Variants in CDH18 observed in about 807,000 individuals in gnomAD.
CDH18 encodes the protein cadherin 18.
Under a neutral mutation model 67.9 loss-of-function variants are expected in CDH18, and 31 were observed. That is an observed-to-expected ratio of 0.46 (90% CI 0.34 to 0.62). The LOEUF (loss-of-function observed/expected upper bound fraction) is 0.62. CDH18 is among the 20% of genes least tolerant of loss of function. CDH18 has a pLI of 0.01. For synonymous variants in CDH18, 362 were observed against 347.2 expected (o/e 1.04, Z -0.48); for missense variants, 890 against 975.5 (o/e 0.91, Z 1.17).
rs537758382 is a variant in CDH18 at position 19,837,140 on chromosome 5, G to A, written c.228+1619C>T. ...TGGATGAAGCTGGAAACCATCATTC[G>A]CAGCAAACTAACACAGAAACAGAAA... On this transcript the variant is annotated intron_variant, in intron 3 of 12. Transcript: ENST00000382275. 5.9e-5 allele frequency among the ~76,000 whole-genome samples: 9 copies of A among 152,098 alleles called. No individual in the cohort carries two copies. The South Asian group carries it at 8.3e-4, about 14-fold the overall frequency.
intron 1 of CDH18, among the ~76,000 whole-genome samples, chr5:20,486,402 T>C (rs1354471141): frequency 1.3e-5 from 2 of 152,128 alleles, no homozygotes; most frequent in East Asian, 3.8e-4. Flanking sequence ...ATGTATATGC[T>C]AGCATTTATA....
At chr5:20,234,726 T>TA (rs1053812115) in intron 2 of CDH18, among the ~76,000 whole-genome samples, 2 of 151,628 alleles carry the variant, frequency 1.3e-5, no homozygotes, top group African/African-American at 2.4e-5. Flanking sequence ...AAAACAGAAT[T>TA]AAAAAAAAAT....
Position 19,773,460 on chromosome 5 carries a change from C to T in CDH18, c.229-26224G>A, listed in dbSNP as rs572952507. 4.1e-4 allele frequency among the ~76,000 whole-genome samples: 63 copies of T among 152,200 alleles called. 1 individual carries two copies. Among genetic ancestry groups the T allele is most frequent in the Non-Finnish European group, 7.2e-4 (49 of 67,994 alleles). ...TTACAAGGGGCAAGCATGGAGAAAA[C>T]CTCACAGTTCAGAGGAGACTAAAGA... On this transcript the variant is annotated intron_variant, in intron 3 of 12. Coordinates refer to ENST00000382275, the MANE Select transcript of CDH18 (RefSeq NM_004934.5).
chr5:19,615,733 T>C (rs1749714798), intron 5 of CDH18, among the ~76,000 whole-genome samples: 1 of 152,192 alleles, frequency 6.6e-6, no homozygotes, highest in Admixed American at 6.5e-5. Context: ...ACGAATCTTT[T>C]TACTGTCTCC....
chr5:20,396,280 G>T (rs1745271808), intron 1 of CDH18, among the ~76,000 whole-genome samples: 1 of 152,014 alleles, frequency 6.6e-6, no homozygotes, highest in Non-Finnish European at 1.5e-5. Flanking sequence ...GCTGGTATCT[G>T]CTGGAGATGT....
chr5:20,105,908 C>CA (rs1172174718), intron 2 of CDH18, among the ~76,000 whole-genome samples: 1 of 152,108 alleles, frequency 6.6e-6, no homozygotes, highest in Non-Finnish European at 1.5e-5. Context: ...AGTCTGAGGG[C>CA]ATTTTTAATT....
intron 6 of CDH18, among the ~76,000 whole-genome samples, chr5:19,598,809 T>C (rs1746594032): frequency 6.6e-6 from 1 of 152,148 alleles, no homozygotes; most frequent in East Asian, 1.9e-4. Context: ...CTTTAGTAAA[T>C]TCCAGCTATT....
chr5:20,163,036 G>A (rs933719191), intron 2 of CDH18, among the ~76,000 whole-genome samples: 1 of 150,218 alleles, frequency 6.7e-6, no homozygotes, highest in Non-Finnish European at 1.5e-5. Flanking sequence ...TCCAGCCTAG[G>A]TGACAAGAGC....
At chr5:19,713,877 T>C (rs1765022362) in intron 5 of CDH18, among the ~76,000 whole-genome samples, 1 of 152,118 alleles carries the variant, frequency 6.6e-6, no homozygotes, top group Non-Finnish European at 1.5e-5. Context: ...GTGCTCTCTC[T>C]GGTTCATAGA....
chr5:19,652,932 G>A (rs1755786545), intron 5 of CDH18, among the ~76,000 whole-genome samples: 1 of 151,988 alleles, frequency 6.6e-6, no homozygotes, highest in Non-Finnish European at 1.5e-5. Context: ...ATATTGGAGG[G>A]TAAAAAAATC....
At chr5:19,690,553 C>T (rs1165045744) in intron 5 of CDH18, among the ~76,000 whole-genome samples, 1 of 151,254 alleles carries the variant, frequency 6.6e-6, no homozygotes, top group Non-Finnish European at 1.5e-5. Flanking sequence ...AGCTAAACAA[C>T]AACAGAAAAC....
intron 2 of CDH18, among the ~76,000 whole-genome samples, chr5:20,027,317 C>T (rs187448425): frequency 1.3e-5 from 2 of 152,196 alleles, no homozygotes; most frequent in African/African-American, 2.4e-5. Flanking sequence ...ATAAAGAATA[C>T]ATTTAAATCA....
chr5:20,527,893 T>A (rs554429508), intron 1 of CDH18, among the ~76,000 whole-genome samples: 8 of 152,142 alleles, frequency 5.3e-5, no homozygotes, highest in African/African-American at 1.9e-4. Flanking sequence ...GATGACAGGA[T>A]CAGATTCACA....
At chr5:20,064,653 C>T (rs577875634) in intron 2 of CDH18, among the ~76,000 whole-genome samples, 1 of 152,108 alleles carries the variant, frequency 6.6e-6, no homozygotes, top group East Asian at 1.9e-4. Context: ...GCTTCTTTTG[C>T]TTCACAGAAG....
At position 20,037,568 on chromosome 5, in the gene CDH18, T is replaced by C. The variant is rs114388848; in HGVS notation, c.-517-45554A>G. On this transcript the variant is annotated intron_variant, in intron 2 of 14. Transcript: ENST00000507958. ...ATTAAGAAACTCACTAAAACCACAC[T>C]ATATGGAAACTGAACAGCCTGCTCC... is the stretch of plus-strand genomic sequence containing the variant. Among the ~76,000 whole-genome samples the C allele has an allele frequency of 2.8e-3, 427 of 151,950 alleles. 4 individuals carry two copies. Among genetic ancestry groups the C allele is most frequent in the African/African-American group, 9.7e-3 (403 of 41,502 alleles).
Position 19,733,040 on chromosome 5 carries a change from T to A in CDH18, c.524-11574A>T, listed in dbSNP as rs187741025. On this transcript the variant is annotated intron_variant, in intron 4 of 12. Coordinates refer to ENST00000382275, the MANE Select transcript of CDH18 (RefSeq NM_004934.5). ...AGCAGGGAGTAGCTAATATCGGTCA[T>A]GATCCCTATTCTAACAGCAGTTAGA... 3.9e-5 allele frequency among the ~76,000 whole-genome samples: 6 copies of A among 152,206 alleles called. No homozygotes were observed. The East Asian group carries it at 1.2e-3, about 30-fold the overall frequency.
chr5:20,292,313 A>C (rs1241314135), intron 1 of CDH18, among the ~76,000 whole-genome samples: 19 of 152,222 alleles, frequency 1.2e-4, no homozygotes, highest in Admixed American at 1.2e-3. Context: ...TTTTGCTTTT[A>C]GCAAAAAGTA....
intron 2 of CDH18, among the ~76,000 whole-genome samples, chr5:20,138,538 G>A (rs903991535): frequency 6.6e-6 from 1 of 152,156 alleles, no homozygotes; most frequent in Non-Finnish European, 1.5e-5. Context: ...CCTGTTTGCA[G>A]AAGACATGAT....
At chr5:19,817,440 G>C (rs572425654) in intron 3 of CDH18, among the ~76,000 whole-genome samples, 10 of 152,030 alleles carry the variant, frequency 6.6e-5, no homozygotes, top group Admixed American at 5.2e-4. Flanking sequence ...ATTATTACAT[G>C]TAATAGCAAA....
Sources: allele counts gnomAD v4.1 joint callset (sites outside exome capture counted in the v4.1 genomes callset), GRCh38; gene constraint gnomAD v4.1.1; transcripts MANE v1.5; gene names NCBI Gene and HGNC (gene_info 2026-07-23, HGNC 2026-07-21).